The following ERBB4 variants were observed in gnomAD, a reference collection of about 807,000 sequenced individuals.
ERBB4 encodes erb-b2 receptor tyrosine kinase 4.
A neutral mutation model predicts 158.0 loss-of-function variants in ERBB4; 42 were observed. The ratio of observed to expected loss-of-function variants is 0.27; its 90% confidence interval spans 0.21 to 0.34. The LOEUF (loss-of-function observed/expected upper bound fraction) is 0.34, where lower values mean the gene tolerates loss of function less well. Ranked by LOEUF, ERBB4 falls within the 10% of genes least tolerant of loss-of-function variation. The probability of loss-of-function intolerance (pLI) is 1.00; values close to 1 mark genes in which losing one functional copy is unlikely to be tolerated. For synonymous variants in ERBB4, 583 were observed against 558.7 expected (o/e 1.04, Z -0.61); for missense variants, 1,333 against 1,624.1 (o/e 0.82, Z 3.08).
At chr2:212,034,865 T>C (rs893856007) in intron 2 of ERBB4, among the ~76,000 whole-genome samples, 1 of 152,164 alleles carries the variant, frequency 6.6e-6, no homozygotes, top group African/African-American at 2.4e-5. Flanking sequence ...GCTAAGCCAA[T>C]GGGATGGTTT....
intron 14 of ERBB4, among the ~76,000 whole-genome samples, chr2:211,670,911 G>A (rs2071812740): frequency 2.6e-5 from 4 of 152,150 alleles, no homozygotes; most frequent in Non-Finnish European, 5.9e-5. Context: ...AAGGCATACT[G>A]AAGGGACAGT....
At chr2:211,666,882 C>T (rs922585213) in intron 14 of ERBB4, among the ~76,000 whole-genome samples, 1 of 152,066 alleles carries the variant, frequency 6.6e-6, no homozygotes, top group Non-Finnish European at 1.5e-5. Flanking sequence ...AATTCTATCA[C>T]ATTTGTAGTT....
At chr2:211,967,463 T>C (rs185073228) in intron 2 of ERBB4, among the ~76,000 whole-genome samples, 1,583 of 152,174 alleles carry the variant, frequency 0.01, 14 homozygotes, top group Middle Eastern at 0.024. Context: ...GTATTTTCAT[T>C]TCCAATCTTT....
At chr2:211,502,635 T>C (rs113393863) in intron 20 of ERBB4, among the ~76,000 whole-genome samples, 1 of 152,172 alleles carries the variant, frequency 6.6e-6, no homozygotes, top group Non-Finnish European at 1.5e-5. Context: ...TTTTCTCATA[T>C]TCTTTATATC....
chr2:211,591,786 A>G lies in ERBB4; in HGVS notation c.2301+27391T>C, dbSNP rs770248948. On this transcript the variant is annotated intron_variant, in intron 19 of 27. Coordinates refer to ENST00000342788, the MANE Select transcript of ERBB4 (RefSeq NM_005235.3). The stretch of plus-strand genomic sequence containing the variant: ...TTGAAAGTTTCCAGGTGTCAGAGTC[A>G]TAAAAATCCCAGTGTGAATCCTGCC... Among the ~76,000 whole-genome samples the G allele has an allele frequency of 5.1e-4, 77 of 152,226 alleles. 1 individual carries two copies. The highest frequency in any genetic ancestry group is 1.0e-3 in the Non-Finnish European group (68 of 68,040).
At chr2:212,401,810 A>G (rs1560220294) in intron 1 of ERBB4, among the ~76,000 whole-genome samples, 1 of 152,124 alleles carries the variant, frequency 6.6e-6, no homozygotes, top group Non-Finnish European at 1.5e-5. Context: ...CACAAACATA[A>G]TTATTGAAAA....
At chr2:211,829,817 T>G (rs1174352792) in intron 3 of ERBB4, among the ~76,000 whole-genome samples, 11 of 152,196 alleles carry the variant, frequency 7.2e-5, no homozygotes, top group Non-Finnish European at 2.9e-5. Flanking sequence ...GCCTGCTTCT[T>G]TTTACTTATC....
intron 20 of ERBB4, among the ~76,000 whole-genome samples, chr2:211,513,371 A>C (rs958140095): frequency 3.7e-4 from 50 of 135,564 alleles, no homozygotes; most frequent in African/African-American, 1.3e-3. Flanking sequence ...AAAAAAAAAA[A>C]AAAAACAAAA....
At chr2:212,165,183 A>T (rs887447378) in intron 1 of ERBB4, among the ~76,000 whole-genome samples, 6 of 151,958 alleles carry the variant, frequency 3.9e-5, no homozygotes, top group African/African-American at 1.4e-4. Context: ...ATCAGCTAGG[A>T]TTAAGATGAA....
intron 1 of ERBB4, among the ~76,000 whole-genome samples, chr2:212,434,192 T>C (rs2092089143): frequency 6.6e-6 from 1 of 151,926 alleles, no homozygotes; most frequent in Non-Finnish European, 1.5e-5. Flanking sequence ...CCTCTGGAGT[T>C]TTAGAGACCA....
intron 1 of ERBB4, among the ~76,000 whole-genome samples, chr2:212,277,449 G>A (rs996471841): frequency 3.3e-5 from 5 of 151,600 alleles, no homozygotes; most frequent in East Asian, 1.9e-4. Context: ...CATATTCACC[G>A]TGAGTTCCCT....
chr2:211,420,729 T>A (rs1259343785), intron 24 of ERBB4, 118 bp from the exon 25 acceptor site: 1 of 934,176 alleles, frequency 1.1e-6, no homozygotes, highest in East Asian at 2.6e-5. Flanking sequence ...ATACACACAT[T>A]TTAAAAAAAC....
intron 20 of ERBB4, among the ~76,000 whole-genome samples, chr2:211,435,108 T>C (rs1468076775): frequency 6.6e-6 from 1 of 152,150 alleles, no homozygotes; most frequent in Non-Finnish European, 1.5e-5. Flanking sequence ...GCAACTAAGG[T>C]GGCAGAAAAT....
chr2:212,162,568 C>T (rs1357819331), intron 1 of ERBB4, among the ~76,000 whole-genome samples: 7 of 151,678 alleles, frequency 4.6e-5, no homozygotes, highest in Admixed American at 2.0e-4. Flanking sequence ...ATAAATTTTA[C>T]GTCAAAAGAA....
rs536136204 is a variant in ERBB4, at chr2:212,380,547, T to C, written c.82+157902A>G. Reference sequence around the variant, plus strand: ...ACAACTGATGTATTTGTTTAGGAAATTGACATCAGGAATGCAGCTCATTTA... The same window carrying C: ...ACAACTGATGTATTTGTTTAGGAAACTGACATCAGGAATGCAGCTCATTTA... On this transcript the variant is annotated intron_variant, in intron 1 of 27. Coordinates refer to ENST00000342788, the MANE Select transcript of ERBB4 (RefSeq NM_005235.3). Among the ~76,000 whole-genome samples, 43 of 150,772 alleles carry C rather than the reference T, an allele frequency of 2.9e-4. No homozygotes were observed. The Middle Eastern group carries it at 0.017, about 60-fold the overall frequency.
At chr2:211,724,963 C>T in intron 6 of ERBB4, 113 bp downstream of exon 6, 1 of 840,490 alleles carries the variant, frequency 1.2e-6, no homozygotes. Flanking sequence ...TTTTCTTAAT[C>T]CTAAAGTGGC....
intron 1 of ERBB4, among the ~76,000 whole-genome samples, chr2:212,371,566 C>T (rs995958295): frequency 6.6e-6 from 1 of 152,176 alleles, no homozygotes; most frequent in African/African-American, 2.4e-5. Context: ...GAAGACTTTC[C>T]TATGTCAGCA....
chr2:212,263,939 A>G (rs935862492), intron 1 of ERBB4, among the ~76,000 whole-genome samples: 1 of 152,076 alleles, frequency 6.6e-6, no homozygotes, highest in Non-Finnish European at 1.5e-5. Flanking sequence ...ACCCTTTGTA[A>G]TATCTATGGC....
At chr2:212,361,060 T>C (rs1382683885) in intron 1 of ERBB4, among the ~76,000 whole-genome samples, 2 of 151,690 alleles carry the variant, frequency 1.3e-5, no homozygotes, top group Admixed American at 6.6e-5. Context: ...AAAAGTTTTT[T>C]TTTATTCTAT....
Sources: allele counts gnomAD v4.1 joint callset (sites outside exome capture counted in the v4.1 genomes callset), GRCh38; gene constraint gnomAD v4.1.1; transcripts MANE v1.5; gene names NCBI Gene and HGNC (gene_info 2026-07-23, HGNC 2026-07-21).